Variants in SNX6 observed in about 807,000 individuals in gnomAD.
The protein encoded by SNX6 is sorting nexin 6.
A neutral mutation model predicts 63.0 loss-of-function variants in SNX6; 34 were observed. The ratio of observed to expected loss-of-function variants is 0.54; its 90% confidence interval spans 0.41 to 0.72. The LOEUF is 0.72. SNX6 is among the 30% of genes least tolerant of loss of function. SNX6 has a pLI of 0.00. For synonymous variants in SNX6, 170 were observed against 164.2 expected (o/e 1.04, Z -0.27); for missense variants, 398 against 471.4 (o/e 0.84, Z 1.44).
chr14:34,605,850 A>C, intron 4 of SNX6, 133 bp from the exon 5 acceptor site: 2 of 1,110,090 alleles, frequency 1.8e-6, no homozygotes, highest in Non-Finnish European at 2.5e-6. Context: ...GAACACCCAA[A>C]TTCAGATTGG....
At chr14:34,592,518 G>T (rs4534737) in intron 8 of SNX6, among the ~76,000 whole-genome samples, 3 of 152,158 alleles carry the variant, frequency 2.0e-5, no homozygotes, top group South Asian at 2.1e-4. Context: ...ATGTCAACAT[G>T]GTGAAAAAGG....
chr14:34,569,942 T>C (rs1417747726), intron 11 of SNX6, among the ~76,000 whole-genome samples: 2 of 152,322 alleles, frequency 1.3e-5, no homozygotes, highest in Middle Eastern at 3.4e-3. Flanking sequence ...CATCAAACCT[T>C]TGAGTAACTG....
intron 2 of SNX6, among the ~76,000 whole-genome samples, chr14:34,623,310 G>A (rs1359804008): frequency 6.6e-6 from 1 of 152,120 alleles, no homozygotes; most frequent in Non-Finnish European, 1.5e-5. Context: ...AAAACAGACA[G>A]TCAAGTGTAG....
chr14:34,582,757 G>A (rs960478479), intron 9 of SNX6, among the ~76,000 whole-genome samples: 1 of 150,920 alleles, frequency 6.6e-6, no homozygotes, highest in Admixed American at 6.6e-5. Context: ...TGGCCAGGCT[G>A]GTCTCAAACT....
intron 2 of SNX6, among the ~76,000 whole-genome samples, chr14:34,624,411 T>C (rs2138390788): frequency 6.6e-6 from 1 of 152,308 alleles, no homozygotes; most frequent in African/African-American, 2.4e-5. Flanking sequence ...AAAACAATGT[T>C]TTCTTAGGGC....
intron 7 of SNX6, among the ~76,000 whole-genome samples, chr14:34,595,712 CTG>C (rs1882569777): frequency 6.6e-6 from 1 of 152,124 alleles, no homozygotes; most frequent in Non-Finnish European, 1.5e-5. Context: ...ATCCACTGAC[CTG>C]TCTCTGAAAA....
At chr14:34,624,152 G>A (rs1287179408) in intron 2 of SNX6, among the ~76,000 whole-genome samples, 1 of 152,058 alleles carries the variant, frequency 6.6e-6, no homozygotes, top group Non-Finnish European at 1.5e-5. Context: ...CCAGGCTGGA[G>A]TGCAATGGCA....
chr14:34,609,746 GA>G lies in SNX6; in HGVS notation c.55-5del. ...GATCTACATTTATTGCTTTAAGCTA[GA>G]AAAAGAAAACCAGTATCTTCATGAA... On this transcript the variant is annotated splice_region_variant and splice_polypyrimidine_tract_variant and intron_variant, in intron 2 of 13. Coordinates refer to ENST00000362031, the MANE Select transcript of SNX6 (RefSeq NM_152233.4). 2.5e-6 allele frequency: 4 copies of G among 1,580,350 alleles called. No individual in the cohort carries two copies. Among genetic ancestry groups the G allele is most frequent in the Non-Finnish European group, 3.5e-6 (4 of 1,155,380 alleles).
rs932139430 is a variant in SNX6, at chr14:34,609,591, A to C, written c.159+47T>G. On this transcript the variant is annotated intron_variant, in intron 3 of 13. Transcript: ENST00000362031. ...AGTCTGGTCAACATATCACATATGT[A>C]GTATAATAAATGGCTAAAATAATAG... 4.4e-6 allele frequency: 5 copies of C among 1,146,996 alleles called. No homozygotes were observed. The African/African-American group carries it at 6.1e-5, about 14-fold the overall frequency. 71.1% of individuals were successfully genotyped at this position (1,146,996 alleles called of 1,614,324 possible). A position where few individuals can be genotyped will look rare whatever the true frequency, so the allele number is the denominator to read the frequency against.
At chr14:34,624,059 C>G (rs1883730024) in intron 2 of SNX6, among the ~76,000 whole-genome samples, 1 of 152,082 alleles carries the variant, frequency 6.6e-6, no homozygotes. Flanking sequence ...TTTTTCAACA[C>G]TATGTATTCT....
Position 34,605,662 on chromosome 14 carries a change from T to G in SNX6, c.326A>C (p.Lys109Thr), listed in dbSNP as rs763201944. ...CATTGACCCTTCTCCTTCACCAAGCTTCTGTAGTTTTTCCCTTGAAGCATC... is the reference window on the plus strand; with the variant it reads ...CATTGACCCTTCTCCTTCACCAAGCGTCTGTAGTTTTTCCCTTGAAGCATC... ...DFDASREKLQ[K>T]LGEGEGSMTK... Residue 109 changes from lysine to threonine, a missense_variant, in exon 5 of 14, where the codon AAG becomes ACG. Coordinates refer to ENST00000362031, the MANE Select transcript of SNX6 (RefSeq NM_152233.4). 1.7e-5 allele frequency: 28 copies of G among 1,611,626 alleles called. No homozygotes were observed. The Admixed American group carries it at 4.0e-4, about 23-fold the overall frequency.
intron 6 of SNX6, among the ~76,000 whole-genome samples, chr14:34,599,519 A>C (rs1026612693): frequency 6.6e-6 from 1 of 151,986 alleles, no homozygotes; most frequent in Non-Finnish European, 1.5e-5. Flanking sequence ...AGGCAAGAGA[A>C]TCTTTTGAAC....
chr14:34,611,216 C>T (rs1883214232), intron 2 of SNX6, among the ~76,000 whole-genome samples: 1 of 143,440 alleles, frequency 7.0e-6, no homozygotes, highest in African/African-American at 2.5e-5. Flanking sequence ...TGGTCTTGAA[C>T]TCCTGACCTC....
At chr14:34,563,235 A>G in intron 13 of SNX6, 60 bp from the exon 14 acceptor site, 2 of 1,451,690 alleles carry the variant, frequency 1.4e-6, no homozygotes, top group South Asian at 2.3e-5. Flanking sequence ...GAAGACTCCT[A>G]CTGAAAATAC....
At position 34,608,104 on chromosome 14, in the gene SNX6, C is replaced by T. The variant is rs1883090125; in HGVS notation, c.196G>A (p.Val66Ile). Residue 66 changes from valine to isoleucine, a missense_variant, in exon 4 of 14, where the codon GTT (valine) becomes ATT (isoleucine). By Grantham distance (29) the Val-to-Ile change is conservative. Coordinates refer to ENST00000362031, the MANE Select transcript of SNX6 (RefSeq NM_152233.4). Reference protein sequence around the residue: ...LPNFKQNEFSVVRQHEEFIWL... With the variant: ...LPNFKQNEFSIVRQHEEFIWL... ...ATAAATTCCTCATGTTGCCGAACAA[C>T]TGAAAACTCGTTTTGTTTAAAATTT... The T allele has an allele frequency of 6.2e-7, 1 of 1,609,094 alleles. No individual in the cohort carries two copies. The highest frequency in any genetic ancestry group is 1.3e-5 in the African/African-American group (1 of 74,666).
chr14:34,584,344 C>G (rs1268274669), intron 9 of SNX6, among the ~76,000 whole-genome samples: 1 of 150,846 alleles, frequency 6.6e-6, no homozygotes, highest in East Asian at 2.0e-4. Flanking sequence ...CTCTGTCGCC[C>G]AGGCTGGGGT....
intron 7 of SNX6, among the ~76,000 whole-genome samples, chr14:34,593,738 A>AT (rs200541680): frequency 0.8 from 115,904 of 144,242 alleles, 46,710 homozygotes; most frequent in Non-Finnish European, 0.84. Flanking sequence ...CGCCCAGCTA[A>AT]TTTTTTTTTT....
chr14:34,605,567 A>G, intron 5 of SNX6, 29 bp downstream of exon 5: 1 of 1,514,376 alleles, frequency 6.6e-7, no homozygotes, highest in Non-Finnish European at 8.8e-7. Context: ...ACCAAAAAAA[A>G]AAAACAAAAA....
At chr14:34,579,977 G>A (rs905111231) in intron 10 of SNX6, among the ~76,000 whole-genome samples, 1 of 152,146 alleles carries the variant, frequency 6.6e-6, no homozygotes, top group African/African-American at 2.4e-5. Flanking sequence ...TTGACATCAG[G>A]ACTTTGAGAC....
Sources: allele counts gnomAD v4.1 joint callset (sites outside exome capture counted in the v4.1 genomes callset), GRCh38; gene constraint gnomAD v4.1.1; transcripts MANE v1.5; gene names NCBI Gene and HGNC (gene_info 2026-07-23, HGNC 2026-07-21).